The following STMN4 variants were observed in gnomAD, a reference collection of about 807,000 sequenced individuals.
STMN4 encodes the protein stathmin 4.
In STMN4, 12 loss-of-function variants were observed where a neutral mutation model predicts 29.1. That is an observed-to-expected ratio of 0.41 (90% CI 0.26 to 0.67). STMN4 has a LOEUF of 0.67. Ranked by LOEUF, STMN4 falls within the 30% of genes least tolerant of loss-of-function variation. The pLI is 0.30. For missense variants in STMN4, 181 were observed against 262.8 expected (o/e 0.69, Z 2.15); for synonymous variants, 114 against 105.3 (o/e 1.08, Z -0.51).
At chr8:27,242,582 G>A (rs1242830974) in intron 2 of STMN4, 90 bp from the exon 3 acceptor site, 17 of 1,378,162 alleles carry the variant, frequency 1.2e-5, no homozygotes, top group Non-Finnish European at 1.5e-5. Context: ...AGCAGCCCAG[G>A]GTTCCATAAA....
intron 6 of STMN4, among the ~76,000 whole-genome samples, chr8:27,237,286 A>T (rs1022924790): frequency 6.6e-6 from 1 of 152,246 alleles, no homozygotes; most frequent in Non-Finnish European, 1.5e-5. Flanking sequence ...CAGGCAGAAC[A>T]GACAGGCCTC....
intron 5 of STMN4, among the ~76,000 whole-genome samples, chr8:27,240,465 T>G (rs962910805): frequency 1.3e-4 from 20 of 152,158 alleles, no homozygotes; most frequent in African/African-American, 4.1e-4. Context: ...CAGGCACTGG[T>G]CTAACAGCTT....
intron 6 of STMN4, among the ~76,000 whole-genome samples, chr8:27,238,496 G>GTCTCTCTGCCTCTGAATCTACCGA (rs1341342550): frequency 1.3e-5 from 2 of 152,178 alleles, no homozygotes; most frequent in Non-Finnish European, 2.9e-5. Context: ...GACCTTTCCA[G>GTCTCTCTGCCTCTGAATCTACCGA]TCTCTCTGCC....
At chr8:27,240,694 T>C (rs1010307844) in intron 5 of STMN4, among the ~76,000 whole-genome samples, 3 of 152,210 alleles carry the variant, frequency 2.0e-5, no homozygotes, top group Admixed American at 2.0e-4. Context: ...CGAGATGCAC[T>C]ACACCATGAT....
intron 4 of STMN4, 96 bp from the exon 5 acceptor site, chr8:27,241,358 G>A (rs1284183429): frequency 8.0e-6 from 12 of 1,499,142 alleles, no homozygotes; most frequent in Admixed American, 3.5e-5. Flanking sequence ...GAGAACTGGG[G>A]CCCCAAGCAA....
Position 27,238,557 on chromosome 8 carries a change from A to T in STMN4, c.591+1414T>A, listed in dbSNP as rs537267721. Reference sequence around the variant, plus strand: ...CTGAATCTACCTCCATTCTTGGGTGAGCTCACTGGGCAGAGCCCTAAGTTC... The same window carrying T: ...CTGAATCTACCTCCATTCTTGGGTGTGCTCACTGGGCAGAGCCCTAAGTTC... On this transcript the variant is annotated intron_variant, in intron 6 of 6. Transcript: ENST00000350889. 1.3e-3 allele frequency among the ~76,000 whole-genome samples: 197 copies of T among 152,294 alleles called. 1 individual carries two copies. Among genetic ancestry groups the T allele is most frequent in the Middle Eastern group, 6.8e-3 (2 of 294 alleles).
At chr8:27,240,193 T>C in intron 5 of STMN4, 31 bp from the exon 6 acceptor site, 4 of 1,602,836 alleles carry the variant, frequency 2.5e-6, no homozygotes, top group East Asian at 2.2e-5. Context: ...AAGGAGGCCC[T>C]TCACAGTGAG....
intron 1 of STMN4, among the ~76,000 whole-genome samples, chr8:27,244,907 C>CA (rs1801583251): frequency 6.6e-6 from 1 of 152,180 alleles, no homozygotes; most frequent in South Asian, 2.1e-4. Flanking sequence ...GATCCTCGGT[C>CA]ACCCTCTGTG....
intron 1 of STMN4, among the ~76,000 whole-genome samples, chr8:27,252,406 C>T (rs1308651898): frequency 6.6e-6 from 1 of 152,114 alleles, no homozygotes; most frequent in Non-Finnish European, 1.5e-5. Context: ...TATCCAGAAT[C>T]TACAATGAAC....
intron 6 of STMN4, among the ~76,000 whole-genome samples, chr8:27,237,459 T>C (rs916540369): frequency 4.6e-5 from 7 of 152,218 alleles, no homozygotes; most frequent in Non-Finnish European, 5.9e-5. Flanking sequence ...CTTGCTATGT[T>C]GCCCAGGCTG....
chr8:27,235,988 T>C lies in STMN4; in HGVS notation c.*858A>G, dbSNP rs894812764. 3 of 152,250 alleles carry C rather than the reference T, an allele frequency of 2.0e-5. No homozygotes were observed. Among genetic ancestry groups the C allele is most frequent in the African/African-American group, 7.2e-5 (3 of 41,454 alleles). The allele number at this position is 152,250 out of a possible 1,614,324, so 9.4% of individuals were successfully genotyped here. Reference sequence around the variant, plus strand: ...GACTAAGACAAATTCCTTCTTACAGTGCATCTTGGGGACCATATTAGGATG... The same window carrying C: ...GACTAAGACAAATTCCTTCTTACAGCGCATCTTGGGGACCATATTAGGATG... On this transcript the variant is annotated 3_prime_UTR_variant, in exon 7 of 7. Transcript: ENST00000350889.
rs183551623 is a variant in STMN4 at position 27,242,386 on chromosome 8, C to A, written c.109+11G>T. ...CCCGCCCCTCACTTTCCTGGCTGAG[C>A]CTTCACTGACCTTCATATTTGTAGG... is the stretch of plus-strand genomic sequence containing the variant. On this transcript the variant is annotated intron_variant, in intron 3 of 6. Coordinates refer to ENST00000350889, the MANE Select transcript of STMN4 (RefSeq NM_030795.4). 2.7e-4 allele frequency: 441 copies of A among 1,614,074 alleles called. 2 individuals carry two copies. The African/African-American group carries it at 5.0e-3, about 18-fold the overall frequency.
intron 1 of STMN4, among the ~76,000 whole-genome samples, chr8:27,248,129 CTGGT>C (rs1801681408): frequency 6.6e-6 from 1 of 152,232 alleles, no homozygotes; most frequent in Admixed American, 6.5e-5. Flanking sequence ...TGGACACAAA[CTGGT>C]TGGTCAAGAG....
chr8:27,239,351 G>A (rs1022652024), intron 6 of STMN4: 5 of 1,496,252 alleles, frequency 3.3e-6, no homozygotes, highest in Non-Finnish European at 4.5e-6. Context: ...TGAGACTCAG[G>A]AAATGAGGCC....
At chr8:27,239,226 C>A (rs1340278710) in intron 6 of STMN4, 1 of 1,535,464 alleles carries the variant, frequency 6.5e-7, no homozygotes, top group South Asian at 1.2e-5. Context: ...CGCTGCTCAC[C>A]ATGGGACGAG....
At chr8:27,258,280 A>G (rs1802002309) in intron 1 of STMN4, 71 bp downstream of exon 1, 1 of 152,126 alleles carries the variant, frequency 6.6e-6, no homozygotes, top group African/African-American at 2.4e-5. Context: ...GCTTCTCCCC[A>G]CTGTAGCTGC....
chr8:27,257,889 G>A (rs1473748271), intron 1 of STMN4, among the ~76,000 whole-genome samples: 3 of 152,222 alleles, frequency 2.0e-5, no homozygotes, highest in South Asian at 2.1e-4. Context: ...GCATAGAGCC[G>A]AAGGAAAAGA....
intron 1 of STMN4, among the ~76,000 whole-genome samples, chr8:27,246,467 GC>G (rs1801627049): frequency 6.6e-6 from 1 of 152,188 alleles, no homozygotes; most frequent in Admixed American, 6.5e-5. Flanking sequence ...GAAGCTAAGT[GC>G]CTTTTCAAGG....
At chr8:27,239,939 A>G (rs1355324283) in intron 6 of STMN4, 32 bp downstream of exon 6, 1 of 1,614,190 alleles carries the variant, frequency 6.2e-7, no homozygotes, top group Admixed American at 1.7e-5. Context: ...AGCATGTCCC[A>G]GGAAACTCCT....
Sources: allele counts gnomAD v4.1 joint callset (sites outside exome capture counted in the v4.1 genomes callset), GRCh38; gene constraint gnomAD v4.1.1; transcripts MANE v1.5; gene names NCBI Gene and HGNC (gene_info 2026-07-23, HGNC 2026-07-21).